The following GRK3 variants were observed in gnomAD, a reference collection of about 807,000 sequenced individuals.
GRK3 encodes adrenergic, beta, receptor kinase 2.
A neutral mutation model predicts 95.7 loss-of-function variants in GRK3; 54 were observed. The observed-to-expected ratio is 0.56, with a 90% CI of 0.45 to 0.71. GRK3 has a LOEUF of 0.71. GRK3 is among the 30% of genes least tolerant of loss of function. GRK3 has a pLI of 0.00. For missense variants in GRK3, 649 were observed against 851.2 expected, an observed-to-expected ratio of 0.76 and a Z score of 2.96; for synonymous variants, 281 against 290.8, an observed-to-expected ratio of 0.97 and a Z score of 0.34.
At chr22:25,588,331 T>C (rs1282865693) in intron 1 of GRK3, among the ~76,000 whole-genome samples, 1 of 152,214 alleles carries the variant, frequency 6.6e-6, no homozygotes, top group Non-Finnish European at 1.5e-5. Flanking sequence ...ATCAAAATAT[T>C]ATAGGAAAAG....
intron 1 of GRK3, among the ~76,000 whole-genome samples, chr22:25,568,077 C>T (rs1201613638): frequency 2.0e-5 from 3 of 152,218 alleles, no homozygotes; most frequent in African/African-American, 7.2e-5. Context: ...GCTAATGTAG[C>T]TGATAATGGG....
chr22:25,676,378 A>T (rs2085029368), intron 8 of GRK3, among the ~76,000 whole-genome samples: 1 of 152,202 alleles, frequency 6.6e-6, no homozygotes, highest in African/African-American at 2.4e-5. Flanking sequence ...ATATCTAGTC[A>T]GACACTTGAT....
intron 2 of GRK3, among the ~76,000 whole-genome samples, chr22:25,639,211 A>G (rs983417211): frequency 6.6e-6 from 1 of 152,186 alleles, no homozygotes; most frequent in Non-Finnish European, 1.5e-5. Context: ...CTACATTTTG[A>G]TAAAGTATAA....
intron 9 of GRK3, among the ~76,000 whole-genome samples, chr22:25,681,653 C>T (rs142337995): frequency 1.7e-4 from 26 of 152,300 alleles, no homozygotes; most frequent in African/African-American, 5.8e-4. Context: ...ATCAGCCTTG[C>T]AGTTCACAAA....
intron 3 of GRK3, 106 bp downstream of exon 3, chr22:25,644,771 A>T (rs1045119607): frequency 8.8e-6 from 5 of 565,256 alleles, no homozygotes; most frequent in Non-Finnish European, 1.5e-5. Flanking sequence ...TTAGAAATTC[A>T]TTGAAAGTAA....
chr22:25,640,378 G>A (rs1032169972), intron 2 of GRK3, among the ~76,000 whole-genome samples: 1 of 151,966 alleles, frequency 6.6e-6, no homozygotes, highest in African/African-American at 2.4e-5. Flanking sequence ...TTTCTTTGTT[G>A]TCTGTCTCTT....
chr22:25,582,866 C>T (rs1480548293), intron 1 of GRK3, among the ~76,000 whole-genome samples: 1 of 152,092 alleles, frequency 6.6e-6, no homozygotes, highest in Non-Finnish European at 1.5e-5. Context: ...TTGTGGAGTA[C>T]AGATACTCTG....
intron 5 of GRK3, 111 bp downstream of exon 5, chr22:25,663,815 G>A: frequency 1.4e-6 from 1 of 729,354 alleles, no homozygotes; most frequent in Non-Finnish European, 2.4e-6. Flanking sequence ...TGTAAAGACT[G>A]TGTTCTATTC....
At chr22:25,661,358 TC>T (rs1169013171) in intron 3 of GRK3, among the ~76,000 whole-genome samples, 1 of 152,188 alleles carries the variant, frequency 6.6e-6, no homozygotes, top group Non-Finnish European at 1.5e-5. Context: ...ATGAGAGTCA[TC>T]ATAGGGAAAA....
intron 3 of GRK3, among the ~76,000 whole-genome samples, chr22:25,650,140 A>G (rs2084819059): frequency 6.6e-6 from 1 of 151,894 alleles, no homozygotes; most frequent in Admixed American, 6.6e-5. Flanking sequence ...TACAGGTAGC[A>G]CCCTGTAATC....
At chr22:25,581,242 T>C (rs906476262) in intron 1 of GRK3, 7 of 152,216 alleles carry the variant, frequency 4.6e-5, no homozygotes, top group African/African-American at 1.7e-4. Flanking sequence ...TATATCCTTT[T>C]GCATGTTTGA....
Position 25,701,919 on chromosome 22 carries a change from A to T in GRK3, c.1161-1591A>T, listed in dbSNP as rs138091726. ...TTTTGTATAAAAGAATGATACAAGT[A>T]TGTTTTTAAAAATTATAAATAACAG... On this transcript the variant is annotated intron_variant, in intron 13 of 20. Transcript: ENST00000324198. 4.8e-3 allele frequency among the ~76,000 whole-genome samples: 736 copies of T among 152,374 alleles called. 7 individuals carry two copies. The highest frequency in any genetic ancestry group is 0.017 in the African/African-American group (712 of 41,592).
chr22:25,676,903 G>A (rs1482784313), intron 8 of GRK3, among the ~76,000 whole-genome samples: 2 of 152,148 alleles, frequency 1.3e-5, no homozygotes, highest in Non-Finnish European at 2.9e-5. Flanking sequence ...GCTGCCAGTT[G>A]CATGCACACT....
intron 1 of GRK3, among the ~76,000 whole-genome samples, chr22:25,580,750 GTC>G (rs1345027246): frequency 2.6e-5 from 4 of 152,188 alleles, no homozygotes; most frequent in Admixed American, 6.5e-5. Flanking sequence ...GGCCTGGATG[GTC>G]TTGAACTCCT....
At chr22:25,709,988 C>T (rs2085331224) in intron 16 of GRK3, 24 bp downstream of exon 16, 1 of 1,553,576 alleles carries the variant, frequency 6.4e-7, no homozygotes, top group Non-Finnish European at 8.9e-7. Flanking sequence ...CTTGACTCTA[C>T]TTACGGTACT....
intron 13 of GRK3, among the ~76,000 whole-genome samples, chr22:25,697,513 A>G (rs1026447978): frequency 6.6e-6 from 1 of 152,100 alleles, no homozygotes; most frequent in African/African-American, 2.4e-5. Flanking sequence ...GCTGGGAGGG[A>G]TGGATGAGAT....
chr22:25,728,819 A>C lies in GRK3; in HGVS notation c.*6369A>C, dbSNP rs965123945. 1 of 152,176 alleles carries C rather than the reference A, an allele frequency of 6.6e-6. No homozygotes were observed. The highest frequency in any genetic ancestry group is 1.5e-5 in the Non-Finnish European group (1 of 68,040). 9.4% of individuals were successfully genotyped at this position (152,176 alleles called of 1,614,324 possible). ...AGGTCTTATATTTGAATGGACCCTT[A>C]ATGATTTATGTGAAATAGAATGAAG... On this transcript the variant is annotated 3_prime_UTR_variant, in exon 21 of 21. Transcript: ENST00000324198.
intron 1 of GRK3, among the ~76,000 whole-genome samples, chr22:25,578,180 A>T (rs930765847): frequency 5.9e-5 from 9 of 152,080 alleles, no homozygotes; most frequent in Non-Finnish European, 1.2e-4. Flanking sequence ...CCCAGTCTTT[A>T]AAAAAATCGA....
chr22:25,714,672 G>A, intron 18 of GRK3, 102 bp downstream of exon 18: 5 of 1,139,618 alleles, frequency 4.4e-6, no homozygotes, highest in Middle Eastern at 3.0e-4. Context: ...TTTTGCAGTC[G>A]AGAAGAAAGC....
Sources: allele counts gnomAD v4.1 joint callset (sites outside exome capture counted in the v4.1 genomes callset), GRCh38; gene constraint gnomAD v4.1.1; transcripts MANE v1.5; gene names NCBI Gene and HGNC (gene_info 2026-07-23, HGNC 2026-07-21).